Variants in NLGN1 observed in about 807,000 individuals in gnomAD.
NLGN1 encodes neuroligin-1.
A neutral mutation model predicts 65.5 loss-of-function variants in NLGN1; 12 were observed. The ratio of observed to expected loss-of-function variants is 0.18; its 90% CI spans 0.12 to 0.30. The LOEUF (loss-of-function observed/expected upper bound fraction) is 0.30. NLGN1 is among the 10% of genes least tolerant of loss of function. The probability of loss-of-function intolerance (pLI) is 1.00; values close to 1 mark genes in which losing one functional copy is unlikely to be tolerated. For synonymous variants in NLGN1, 350 were observed against 359.5 expected, an observed-to-expected ratio of 0.97 and a Z score of 0.30; for missense variants, 750 against 1,007.1, an observed-to-expected ratio of 0.74 and a Z score of 3.46.
At chr3:173,986,144 T>G (rs774675009) in intron 4 of NLGN1, among the ~76,000 whole-genome samples, 4 of 152,004 alleles carry the variant, frequency 2.6e-5, no homozygotes, top group Non-Finnish European at 4.4e-5. Context: ...AGTGGATCCA[T>G]AATCCAATAT....
At chr3:174,130,448 C>T (rs1180021162) in intron 4 of NLGN1, among the ~76,000 whole-genome samples, 3 of 151,978 alleles carry the variant, frequency 2.0e-5, no homozygotes, top group Non-Finnish European at 4.4e-5. Flanking sequence ...GTCCAGTTTC[C>T]AAAACAAAAT....
chr3:174,097,555 C>G (rs768836058), intron 4 of NLGN1, among the ~76,000 whole-genome samples: 1 of 152,084 alleles, frequency 6.6e-6, no homozygotes, highest in Non-Finnish European at 1.5e-5. Context: ...GATAATTCTG[C>G]CAGTCACTCA....
intron 4 of NLGN1, among the ~76,000 whole-genome samples, chr3:174,024,328 T>C (rs561267115): frequency 1.8e-4 from 28 of 152,236 alleles, no homozygotes; most frequent in African/African-American, 5.8e-4. Flanking sequence ...CCAAGAACTT[T>C]GCCCAGTAAG....
intron 2 of NLGN1, among the ~76,000 whole-genome samples, chr3:173,551,624 T>C (rs1425761936): frequency 1.3e-5 from 2 of 152,202 alleles, no homozygotes; most frequent in African/African-American, 4.8e-5. Flanking sequence ...TTTTAAGGAT[T>C]ATTATAATTA....
chr3:174,134,213 A>G (rs1260570976), intron 4 of NLGN1, among the ~76,000 whole-genome samples: 1 of 152,190 alleles, frequency 6.6e-6, no homozygotes, highest in Non-Finnish European at 1.5e-5. Context: ...ATCATTTTAG[A>G]AAATGGCAGA....
chr3:173,497,810 A>G (rs1429800669), intron 2 of NLGN1, among the ~76,000 whole-genome samples: 7 of 151,936 alleles, frequency 4.6e-5, no homozygotes, highest in African/African-American at 9.7e-5. Context: ...TTGCCTTAAT[A>G]TAATTATCTT....
chr3:173,849,079 C>T (rs1190753225), intron 4 of NLGN1, among the ~76,000 whole-genome samples: 1 of 152,010 alleles, frequency 6.6e-6, no homozygotes, highest in African/African-American at 2.4e-5. Flanking sequence ...TGTCAATTTT[C>T]CTTGGACTAT....
At chr3:174,189,818 C>G (rs1732056947) in intron 4 of NLGN1, among the ~76,000 whole-genome samples, 1 of 151,878 alleles carries the variant, frequency 6.6e-6, no homozygotes, top group Admixed American at 6.6e-5. Context: ...GATAAAACAG[C>G]AACAGTATAA....
chr3:173,535,388 G>T (rs1211153168), intron 2 of NLGN1, among the ~76,000 whole-genome samples: 1 of 152,174 alleles, frequency 6.6e-6, no homozygotes, highest in Non-Finnish European at 1.5e-5. Flanking sequence ...GCATGGCTAC[G>T]TGATAAGTTT....
chr3:173,935,901 G>C (rs1255125432), intron 4 of NLGN1, among the ~76,000 whole-genome samples: 1 of 151,936 alleles, frequency 6.6e-6, no homozygotes, highest in Non-Finnish European at 1.5e-5. Context: ...TACAGATTTT[G>C]AGACACCAAA....
chr3:174,291,875 T>C, the NLGN1 span, among the ~76,000 whole-genome samples: 2 of 151,172 alleles, frequency 1.3e-5, no homozygotes, highest in African/African-American at 4.8e-5. Context: ...ACTTGTTACA[T>C]GTTCTGATAA....
At chr3:174,020,948 G>A (rs1727642758) in intron 4 of NLGN1, among the ~76,000 whole-genome samples, 1 of 152,074 alleles carries the variant, frequency 6.6e-6, no homozygotes, top group Admixed American at 6.6e-5. Context: ...TCAAAGACAG[G>A]AAAAAATTTA....
intron 4 of NLGN1, among the ~76,000 whole-genome samples, chr3:173,893,875 G>A (rs931456805): frequency 6.6e-6 from 1 of 152,082 alleles, no homozygotes; most frequent in African/African-American, 2.4e-5. Flanking sequence ...TTGCATGTCT[G>A]CACCCTGAAT....
intron 3 of NLGN1, among the ~76,000 whole-genome samples, chr3:173,752,957 A>T (rs572209888): frequency 6.6e-6 from 1 of 151,998 alleles, no homozygotes; most frequent in African/African-American, 2.4e-5. Flanking sequence ...CTTCCCTTAT[A>T]CTCCAAGAAA....
At chr3:173,747,801 C>CTTCTTCTTTTTTTTT (rs1775714048) in intron 3 of NLGN1, among the ~76,000 whole-genome samples, 5 of 64,424 alleles carry the variant, frequency 7.8e-5, no homozygotes, top group African/African-American at 3.1e-4. Flanking sequence ...TCTTCTTGTT[C>CTTCTTCTTTTTTTTT]TTTTTTTTTT....
intron 4 of NLGN1, among the ~76,000 whole-genome samples, chr3:174,115,618 T>C (rs1716226730): frequency 6.6e-6 from 1 of 152,018 alleles, no homozygotes; most frequent in Non-Finnish European, 1.5e-5. Flanking sequence ...AAATAAAAGG[T>C]ACAAATGAGG....
intron 4 of NLGN1, among the ~76,000 whole-genome samples, chr3:173,845,606 G>GGATGGATA (rs1553868651): frequency 1.4e-5 from 2 of 146,934 alleles, no homozygotes; most frequent in African/African-American, 5.0e-5. Context: ...GTAGGTGGAT[G>GGATGGATA]GATAGATAGA....
chr3:173,632,837 G>GTTTTTTTTT (rs59210572), intron 3 of NLGN1, among the ~76,000 whole-genome samples: 3 of 117,806 alleles, frequency 2.5e-5, no homozygotes, highest in Non-Finnish European at 3.5e-5. Context: ...CTTGAGTAGT[G>GTTTTTTTTT]TTTTTTTTTT....
At chr3:174,053,731 T>G (rs1451456005) in intron 4 of NLGN1, among the ~76,000 whole-genome samples, 1 of 152,122 alleles carries the variant, frequency 6.6e-6, no homozygotes, top group African/African-American at 2.4e-5. Context: ...CCCTAATCCT[T>G]GCCCTTTTCC....
Sources: gnomAD v4.1 joint callset for allele counts (sites outside exome capture counted in the v4.1 genomes callset) on GRCh38, gnomAD v4.1.1 for gene constraint, MANE v1.5 for transcripts, NCBI Gene and HGNC (gene_info 2026-07-23, HGNC 2026-07-21) for gene names.